Variants in KIAA0753 observed in about 807,000 individuals in gnomAD.
KIAA0753 encodes the protein KIAA0753.
KIAA0753 carries 114 observed loss-of-function variants against 116.9 expected under a neutral mutation model. The observed-to-expected ratio is 0.98, with a 90% confidence interval of 0.84 to 1.14. The LOEUF is 1.14. Among genes scored for constraint, KIAA0753 ranks in the 50% most tolerant of loss-of-function variants. KIAA0753 has a pLI of 0.00. For synonymous variants in KIAA0753, 405 were observed against 413.1 expected, an observed-to-expected ratio of 0.98 and a Z score of 0.24; for missense variants, 1,156 against 1,172.4, an observed-to-expected ratio of 0.99 and a Z score of 0.20.
At position 6,599,205 on chromosome 17, in the gene KIAA0753, A is replaced by G. The variant is rs765193030; in HGVS notation, c.2172+32T>C. ...CAACTAAAGATGTTATCAAGCAATAATACCAGAATGCCAATATCACACAAC... is the reference window on the plus strand; with the variant it reads ...CAACTAAAGATGTTATCAAGCAATAGTACCAGAATGCCAATATCACACAAC... On this transcript the variant is annotated intron_variant, in intron 14 of 18. Transcript: ENST00000361413. 7.4e-6 allele frequency: 11 copies of G among 1,484,136 alleles called. No individual in the cohort carries two copies. In the East Asian group the frequency reaches 2.3e-4, roughly 30 times the overall value. The allele number at this position is 1,484,136 out of a possible 1,614,324, so 91.9% of individuals were successfully genotyped here.
At chr17:6,593,150 T>C (rs1392630309) in intron 16 of KIAA0753, among the ~76,000 whole-genome samples, 1 of 152,080 alleles carries the variant, frequency 6.6e-6, no homozygotes, top group East Asian at 1.9e-4. Flanking sequence ...CATAAAGAAG[T>C]TCTATGACTC....
At chr17:6,616,861 G>C (rs1970969436) in intron 7 of KIAA0753, among the ~76,000 whole-genome samples, 1 of 152,196 alleles carries the variant, frequency 6.6e-6, no homozygotes, top group South Asian at 2.1e-4. Context: ...GACAGATTAA[G>C]TCAACCCAGA....
rs1968001858 is a variant in KIAA0753, at chr17:6,579,753, A to G, written c.2898T>C (p.Ala966=). ...AVFTSEFLEA[A]T ...GCCTCGCCTCAGAGAGCCTTTATGT[A>G]GCAGCCTCTAAGAATTCTGAGGTGA... Residue 966 remains alanine (A), a synonymous_variant, in exon 19 of 19, where the codon GCT becomes GCC. Coordinates refer to ENST00000361413, the MANE Select transcript of KIAA0753 (RefSeq NM_014804.3). 2 of 1,608,784 alleles carry G rather than the reference A, an allele frequency of 1.2e-6. No individual in the cohort carries two copies. Among genetic ancestry groups the G allele is most frequent in the Non-Finnish European group, 8.5e-7 (1 of 1,175,592 alleles).
intron 14 of KIAA0753, 119 bp from the exon 15 acceptor site, chr17:6,596,462 C>T: frequency 1.3e-6 from 1 of 769,140 alleles, no homozygotes; most frequent in Non-Finnish European, 2.1e-6. Flanking sequence ...CAACAGCATA[C>T]AGATCCAAAT....
intron 12 of KIAA0753, among the ~76,000 whole-genome samples, chr17:6,602,700 A>G (rs189827904): frequency 3.9e-5 from 6 of 152,312 alleles, no homozygotes; most frequent in Non-Finnish European, 8.8e-5. Context: ...CGTTTTGGTT[A>G]CCCAGGGATA....
intron 7 of KIAA0753, 28 bp from the exon 8 acceptor site, chr17:6,612,176 T>A: frequency 6.6e-7 from 1 of 1,505,066 alleles, no homozygotes; most frequent in Non-Finnish European, 9.2e-7. Flanking sequence ...AAAAACAAAC[T>A]GAGGAAAATG....
intron 2 of KIAA0753, among the ~76,000 whole-genome samples, chr17:6,632,794 C>G (rs1420675199): frequency 6.6e-6 from 1 of 152,156 alleles, no homozygotes; most frequent in Admixed American, 6.5e-5. Context: ...CTGAATGTAA[C>G]TGTGAGAAGA....
rs748769301 is a variant in KIAA0753 at position 6,617,530 on chromosome 17, G to A, written c.1315+3258C>T. Reference sequence around the variant, plus strand: ...CCTTCTAATTTCCCAAGCACTAGGGGTGCTAGGTTCATCTTTTTTCCTAAT... The same window carrying A: ...CCTTCTAATTTCCCAAGCACTAGGGATGCTAGGTTCATCTTTTTTCCTAAT... On this transcript the variant is annotated intron_variant, in intron 7 of 18. Transcript: ENST00000361413. 2.6e-5 allele frequency among the ~76,000 whole-genome samples: 4 copies of A among 152,198 alleles called. No homozygotes were observed. In the South Asian group the frequency reaches 6.2e-4, roughly 24 times the overall value.
intron 16 of KIAA0753, among the ~76,000 whole-genome samples, chr17:6,594,546 G>A (rs1969326407): frequency 6.6e-6 from 1 of 152,188 alleles, no homozygotes. Flanking sequence ...TTGCCTACGT[G>A]GCGGGGCATG....
intron 2 of KIAA0753, 113 bp downstream of exon 2, chr17:6,634,898 G>A (rs1178785708): frequency 5.7e-6 from 4 of 699,326 alleles, no homozygotes; most frequent in Non-Finnish European, 9.7e-6. Context: ...AGAAAAAATT[G>A]TTAGCAATTG....
chr17:6,626,920 C>T (rs539112537), intron 3 of KIAA0753, among the ~76,000 whole-genome samples: 3 of 152,216 alleles, frequency 2.0e-5, no homozygotes, highest in South Asian at 2.1e-4. Flanking sequence ...TTCCCCTGGT[C>T]GCAGGGCTTC....
chr17:6,624,983 T>A lies in KIAA0753; in HGVS notation c.719-122A>T, dbSNP rs553366842. 61 of 687,880 alleles carry A rather than the reference T, an allele frequency of 8.9e-5. No homozygotes were observed. The African/African-American group carries it at 1.1e-3, about 12-fold the overall frequency. The allele number at this position is 687,880 out of a possible 1,614,324, so 42.6% of individuals were successfully genotyped here. A position where few individuals can be genotyped will look rare whatever the true frequency, so the allele number is the denominator to read the frequency against. On this transcript the variant is annotated intron_variant, in intron 3 of 18. Coordinates refer to ENST00000361413, the MANE Select transcript of KIAA0753 (RefSeq NM_014804.3). ...ATCTCTGGTTTTATTAAGAAAAAAA[T>A]GAGGCTATCATAACAGAAAATTTCA...
rs116320302 is a variant in KIAA0753, at chr17:6,602,384, A to G, written c.2010-1926T>C. Among the ~76,000 whole-genome samples, 1,046 of 152,354 alleles carry G rather than the reference A, an allele frequency of 6.9e-3. 10 individuals carry two copies. Among genetic ancestry groups the G allele is most frequent in the African/African-American group, 0.024 (1,007 of 41,582 alleles). ...AAGCCCAAATGTCAATTCACAAGAG[A>G]ATGAACAAACAGAATGTGGTATATT... On this transcript the variant is annotated intron_variant, in intron 12 of 18. Transcript: ENST00000361413.
chr17:6,578,881 G>A lies in KIAA0753; in HGVS notation c.*866C>T, dbSNP rs1967944052. The A allele has an allele frequency of 6.6e-6, 1 of 151,940 alleles. No individual in the cohort carries two copies. The highest frequency in any genetic ancestry group is 2.4e-5 in the African/African-American group (1 of 41,444). The allele number at this position is 151,940 out of a possible 1,614,324, so 9.4% of individuals were successfully genotyped here. Reference sequence around the variant, plus strand: ...TTCTTCCTTTCTCTGGGGAGACACAGAGGTCTTCGCGCCATCCATCTGTTC... The same window carrying A: ...TTCTTCCTTTCTCTGGGGAGACACAAAGGTCTTCGCGCCATCCATCTGTTC... On this transcript the variant is annotated 3_prime_UTR_variant, in exon 19 of 19. Transcript: ENST00000361413.
Position 6,621,013 on chromosome 17 carries a change from A to G in KIAA0753, c.1105-15T>C, listed in dbSNP as rs760644123. 6.8e-6 allele frequency: 11 copies of G among 1,610,220 alleles called. No individual in the cohort carries two copies. Among genetic ancestry groups the G allele is most frequent in the Middle Eastern group, 2.1e-4 (1 of 4,844 alleles). On this transcript the variant is annotated splice_polypyrimidine_tract_variant and intron_variant, in intron 6 of 18. Coordinates refer to ENST00000361413, the MANE Select transcript of KIAA0753 (RefSeq NM_014804.3). ...GATTCCAAAGCCTGCCACAAAAACA[A>G]TCAATTATTCTCTTAGTTTATCTCG... is the stretch of plus-strand genomic sequence containing the variant.
intron 10 of KIAA0753, among the ~76,000 whole-genome samples, chr17:6,608,054 A>G (rs965082779): frequency 6.6e-6 from 1 of 152,222 alleles, no homozygotes; most frequent in Admixed American, 6.5e-5. Flanking sequence ...TGCCCTTTTT[A>G]AAGTCTCCAT....
intron 16 of KIAA0753, among the ~76,000 whole-genome samples, chr17:6,591,009 G>GGAAGAA (rs71383413): frequency 6.5e-5 from 6 of 92,758 alleles, no homozygotes; most frequent in African/African-American, 2.4e-4. Context: ...GGAAGAAGAA[G>GGAAGAA]GAAGAAGAAG....
Position 6,597,493 on chromosome 17 carries a change from TAAA to T in KIAA0753, c.2173-1153_2173-1151del, listed in dbSNP as rs572992499. ...AAAGAGCACAAAAATATATTATAAATAAAGAAGCAGAGTATAGAACAGCATATG... is the reference window on the plus strand; with the variant it reads ...AAAGAGCACAAAAATATATTATAAATGAAGCAGAGTATAGAACAGCATATG... On this transcript the variant is annotated intron_variant, in intron 14 of 18. Coordinates refer to ENST00000361413, the MANE Select transcript of KIAA0753 (RefSeq NM_014804.3). Among the ~76,000 whole-genome samples, 303 of 152,292 alleles carry T rather than the reference TAAA, an allele frequency of 2.0e-3. 1 individual carries two copies. The highest frequency in any genetic ancestry group is 4.9e-3 in the African/African-American group (202 of 41,568).
intron 2 of KIAA0753, 106 bp from the exon 3 acceptor site, chr17:6,628,847 T>G: frequency 9.2e-7 from 1 of 1,088,812 alleles, no homozygotes; most frequent in Non-Finnish European, 1.3e-6. Context: ...AGATCATTAG[T>G]GCTAAGAGGC....
Sources: allele counts gnomAD v4.1 joint callset (sites outside exome capture counted in the v4.1 genomes callset), GRCh38; gene constraint gnomAD v4.1.1; transcripts MANE v1.5; gene names NCBI Gene and HGNC (gene_info 2026-07-23, HGNC 2026-07-21).